MEIKIN: variants seen among roughly 807,000 people sequenced by gnomAD.
MEIKIN encodes meiotic kinetochore factor, also known as meiosis-specific kinetochore protein.
chr5:131,871,471 G>A (rs1391997001), intron 9 of MEIKIN, among the ~76,000 whole-genome samples: 1 of 152,208 alleles, frequency 6.6e-6, no homozygotes, highest in Non-Finnish European at 1.5e-5. Context: ...CCATTCCCGA[G>A]TCTTGATTAG....
At chr5:131,820,978 G>T (rs976823632) in intron 11 of MEIKIN, among the ~76,000 whole-genome samples, 1 of 151,802 alleles carries the variant, frequency 6.6e-6, no homozygotes, top group Admixed American at 6.6e-5. Context: ...TTGATCTTTT[G>T]TATGTTTCTT....
At chr5:131,849,956 A>G (rs1750083483) in intron 11 of MEIKIN, among the ~76,000 whole-genome samples, 1 of 152,156 alleles carries the variant, frequency 6.6e-6, no homozygotes, top group Non-Finnish European at 1.5e-5. Flanking sequence ...ATTAGAATAA[A>G]TGAATTCAGC....
At chr5:131,931,540 T>C (rs1004300472) in intron 5 of MEIKIN, among the ~76,000 whole-genome samples, 2 of 152,128 alleles carry the variant, frequency 1.3e-5, no homozygotes, top group Non-Finnish European at 1.5e-5. Context: ...TATTGTCAAG[T>C]CCCTTATCTT....
At chr5:131,873,960 C>T (rs149109224) in intron 9 of MEIKIN, among the ~76,000 whole-genome samples, 75 of 152,276 alleles carry the variant, frequency 4.9e-4, no homozygotes, top group African/African-American at 1.8e-3. Flanking sequence ...AACAAAGACA[C>T]AACATACCAG....
chr5:131,921,046 C>A (rs1751495661), intron 6 of MEIKIN, among the ~76,000 whole-genome samples: 1 of 152,022 alleles, frequency 6.6e-6, no homozygotes, highest in Non-Finnish European at 1.5e-5. Context: ...CAAATCCCAA[C>A]TAAGGGACAT....
chr5:131,885,937 TTCTG>T (rs1377625359), intron 8 of MEIKIN, among the ~76,000 whole-genome samples: 3 of 152,176 alleles, frequency 2.0e-5, no homozygotes, highest in African/African-American at 7.2e-5. Context: ...AAATTCAGAA[TTCTG>T]TCTGGTAAAT....
intron 10 of MEIKIN, among the ~76,000 whole-genome samples, chr5:131,852,960 C>A (rs1750139313): frequency 6.6e-6 from 1 of 152,074 alleles, no homozygotes; most frequent in Admixed American, 6.5e-5. Context: ...ATGAGACACT[C>A]ATTTTCTGGA....
chr5:131,936,536 TA>T (rs1437061498), intron 4 of MEIKIN, among the ~76,000 whole-genome samples: 1 of 152,268 alleles, frequency 6.6e-6, no homozygotes, highest in Non-Finnish European at 1.5e-5. Flanking sequence ...TACCTAATTT[TA>T]AAATTTGTTT....
intron 8 of MEIKIN, among the ~76,000 whole-genome samples, chr5:131,885,781 T>C (rs1286485966): frequency 6.6e-6 from 1 of 151,856 alleles, no homozygotes; most frequent in African/African-American, 2.4e-5. Context: ...CACAGAGGGG[T>C]AGAGCACCAA....
Position 131,945,631 on chromosome 5 carries a change from A to G in MEIKIN, c.-126T>C, listed in dbSNP as rs1277921466. On this transcript the variant is annotated 5_prime_UTR_variant, in exon 1 of 13. Transcript: ENST00000442687. Reference sequence around the variant, plus strand: ...GAGGCCCGCGGAGCAGCCTCACAGCAACTAATCGAGCGAAAGCAAAAGCCC... The same window carrying G: ...GAGGCCCGCGGAGCAGCCTCACAGCGACTAATCGAGCGAAAGCAAAAGCCC... 5.0e-6 allele frequency: 2 copies of G among 396,800 alleles called. No homozygotes were observed. Among genetic ancestry groups the G allele is most frequent in the Admixed American group, 4.4e-5 (1 of 22,644 alleles). The allele number at this position is 396,800 out of a possible 1,614,324, so 24.6% of individuals were successfully genotyped here.
At chr5:131,853,205 T>C (rs551286617) in intron 10 of MEIKIN, among the ~76,000 whole-genome samples, 6 of 152,326 alleles carry the variant, frequency 3.9e-5, no homozygotes, top group African/African-American at 1.4e-4. Flanking sequence ...AAATAACTAC[T>C]GCACTATAAA....
chr5:131,878,992 T>A lies in MEIKIN; in HGVS notation c.760A>T (p.Lys254Ter). The A allele has an allele frequency of 2.5e-6, 1 of 398,704 alleles. No homozygotes were observed. Among genetic ancestry groups the A allele is most frequent in the Non-Finnish European group, 4.4e-6 (1 of 225,898 alleles). 24.7% of individuals were successfully genotyped at this position (398,704 alleles called of 1,614,324 possible). The part of the protein sequence containing the change: ...AEKTCPSTPE[K>*]TKKKKTNSST... ...TCAATACTTGCTTTTTTCTTTGTTT[T>A]TTCAGGGGTTGAAGGGCAAGTTTTC... is the stretch of plus-strand genomic sequence containing the variant. The change falls in exon 9 of 13, where the codon AAA becomes TAA. Residue 254 changes from lysine (K) to a stop codon, truncating the protein, a stop_gained. Transcript: ENST00000442687. LOFTEE classifies it high-confidence loss of function.
intron 8 of MEIKIN, among the ~76,000 whole-genome samples, chr5:131,910,180 A>G (rs1250092527): frequency 6.6e-6 from 1 of 152,230 alleles, no homozygotes. Context: ...AGTGTCCATC[A>G]ACAGATGAAT....
chr5:131,926,542 G>A (rs1390370027), intron 5 of MEIKIN, among the ~76,000 whole-genome samples: 1 of 152,120 alleles, frequency 6.6e-6, no homozygotes, highest in South Asian at 2.1e-4. Context: ...GGTAATGCTG[G>A]CCTTAAAGAA....
At chr5:131,906,681 A>T (rs1751248502) in intron 8 of MEIKIN, among the ~76,000 whole-genome samples, 1 of 152,238 alleles carries the variant, frequency 6.6e-6, no homozygotes, top group Non-Finnish European at 1.5e-5. Context: ...AATGCCATGC[A>T]GTCATACAAA....
intron 9 of MEIKIN, among the ~76,000 whole-genome samples, chr5:131,859,871 G>T (rs183202184): frequency 1.9e-3 from 288 of 152,044 alleles, no homozygotes; most frequent in Middle Eastern, 0.014. Context: ...GTAAATACGT[G>T]GATTCATTCC....
intron 8 of MEIKIN, among the ~76,000 whole-genome samples, chr5:131,903,277 T>C (rs1395287070): frequency 1.3e-5 from 2 of 152,000 alleles, no homozygotes; most frequent in Non-Finnish European, 2.9e-5. Flanking sequence ...GAGGCCAACA[T>C]TCAAATTCAG....
chr5:131,808,467 C>T (rs551807650), intron 12 of MEIKIN, among the ~76,000 whole-genome samples: 44 of 152,298 alleles, frequency 2.9e-4, no homozygotes, highest in East Asian at 2.1e-3. Context: ...TTTCTTACTA[C>T]GCTGCACCAG....
intron 5 of MEIKIN, among the ~76,000 whole-genome samples, chr5:131,932,194 C>T (rs1294487343): frequency 6.6e-6 from 1 of 152,208 alleles, no homozygotes; most frequent in Non-Finnish European, 1.5e-5. Context: ...TTAGGATGTA[C>T]ACTTTTACTT....
Sources: allele counts gnomAD v4.1 joint callset (sites outside exome capture counted in the v4.1 genomes callset), GRCh38; gene constraint gnomAD v4.1.1; transcripts MANE v1.5; gene names NCBI Gene and HGNC (gene_info 2026-07-23, HGNC 2026-07-21).